FILIP1L: variants seen among roughly 807,000 people sequenced by gnomAD.
FILIP1L encodes filamin A interacting protein 1 like.
FILIP1L carries 55 observed loss-of-function variants against 96.6 expected under a neutral mutation model. The observed-to-expected ratio is 0.57, with a 90% CI of 0.46 to 0.71. FILIP1L has a LOEUF of 0.71. FILIP1L is among the 30% of genes least tolerant of loss of function. The pLI is 0.00. For missense variants in FILIP1L, 1,304 were observed against 1,321.2 expected, an observed-to-expected ratio of 0.99 and a Z score of 0.20; for synonymous variants, 467 against 473.9, an observed-to-expected ratio of 0.99 and a Z score of 0.19.
At chr3:99,909,370 C>T (rs903293545) in intron 4 of FILIP1L, among the ~76,000 whole-genome samples, 4 of 152,058 alleles carry the variant, frequency 2.6e-5, no homozygotes, top group Non-Finnish European at 5.9e-5. Context: ...TCATATATAT[C>T]CATGTAGGAA....
intron 4 of FILIP1L, among the ~76,000 whole-genome samples, chr3:99,860,636 T>G (rs879309398): frequency 6.6e-6 from 1 of 152,136 alleles, no homozygotes; most frequent in Non-Finnish European, 1.5e-5. Context: ...GTGCCCATGA[T>G]TCTGGGCTAG....
intron 1 of FILIP1L, among the ~76,000 whole-genome samples, chr3:100,088,818 A>G (rs536813278): frequency 3.2e-4 from 48 of 152,270 alleles, no homozygotes; most frequent in Non-Finnish European, 6.5e-4. Context: ...TCACTACAAT[A>G]TGAAACCAGT....
intron 1 of FILIP1L, among the ~76,000 whole-genome samples, chr3:99,988,792 A>G (rs1709429405): frequency 6.6e-6 from 1 of 152,172 alleles, no homozygotes; most frequent in Non-Finnish European, 1.5e-5. Context: ...AACTTCCACC[A>G]TTGACCCATT....
In FILIP1L at chr3:99,909,942, CTGA is replaced by C. The variant is rs1706741294; in HGVS notation, c.605+14285_605+14287del. 5.1e-5 allele frequency among the ~76,000 whole-genome samples: 7 copies of C among 138,496 alleles called. 1 individual carries two copies. The highest frequency in any genetic ancestry group is 8.3e-5 in the Non-Finnish European group (5 of 60,312). The allele number at this position is 138,496 out of a possible 152,430, so 90.9% of individuals were successfully genotyped here. On this transcript the variant is annotated intron_variant, in intron 4 of 5. Coordinates refer to ENST00000477258, the MANE Select transcript of FILIP1L (RefSeq NM_001387850.1). ...CATTGTCAACAAGAGCTGTTGTCAT[CTGA>C]CCAAAATGAGTGAGAAATTTCAGTT... is the stretch of plus-strand genomic sequence containing the variant.
At chr3:100,010,131 G>A in intron 1 of FILIP1L, 2 of 967,824 alleles carry the variant, frequency 2.1e-6, no homozygotes, top group Non-Finnish European at 2.5e-6. Flanking sequence ...TTATTTTTAG[G>A]TAAGTCATCT....
intron 4 of FILIP1L, among the ~76,000 whole-genome samples, chr3:99,918,821 A>C (rs1002864421): frequency 2.0e-5 from 3 of 152,208 alleles, no homozygotes; most frequent in Non-Finnish European, 2.9e-5. Context: ...ATTTGTTTGC[A>C]GTGGATCTCC....
intron 4 of FILIP1L, among the ~76,000 whole-genome samples, chr3:99,859,460 T>C (rs758696566): frequency 2.6e-5 from 4 of 152,246 alleles, no homozygotes; most frequent in African/African-American, 2.4e-5. Flanking sequence ...TAAATTCCTG[T>C]ATTTGTTCTC....
In FILIP1L at chr3:99,924,269, C is replaced by G; in HGVS notation, c.566G>C (p.Ser189Thr). 1.2e-6 allele frequency: 2 copies of G among 1,614,032 alleles called. No homozygotes were observed. The highest frequency in any genetic ancestry group is 1.7e-6 in the Non-Finnish European group (2 of 1,179,980). ...KRKHKEYMEKSDEFICLLEQE... is the reference protein window; with the variant it reads ...KRKHKEYMEKTDEFICLLEQE... Reference sequence around the variant, plus strand: ...TTCTAGTAGGCATATGAATTCATCACTCTTCTCCATGTATTCTTTATGTTT... The same window carrying G: ...TTCTAGTAGGCATATGAATTCATCAGTCTTCTCCATGTATTCTTTATGTTT... Residue 189 changes from serine (S) to threonine (T), a missense_variant, in exon 4 of 6, where the codon AGT becomes ACT. Ser to Thr is a moderately conservative substitution (Grantham distance 58). Coordinates refer to ENST00000477258, the MANE Select transcript of FILIP1L (RefSeq NM_001387850.1).
intron 4 of FILIP1L, among the ~76,000 whole-genome samples, chr3:99,921,948 C>T (rs1232348958): frequency 6.6e-6 from 1 of 152,172 alleles, no homozygotes; most frequent in African/African-American, 2.4e-5. Flanking sequence ...CATCTGCCTC[C>T]CAACATTCCA....
At chr3:99,989,178 G>GATAAATTAAATGT (rs1172684512) in intron 1 of FILIP1L, among the ~76,000 whole-genome samples, 2 of 152,148 alleles carry the variant, frequency 1.3e-5, no homozygotes, top group Non-Finnish European at 2.9e-5. Context: ...TTTTCTTGGA[G>GATAAATTAAATGT]ATAAATTAAA....
intron 1 of FILIP1L, among the ~76,000 whole-genome samples, chr3:100,093,694 C>T (rs1220982117): frequency 6.6e-6 from 1 of 152,152 alleles, no homozygotes; most frequent in Non-Finnish European, 1.5e-5. Flanking sequence ...TAGCCACAAC[C>T]ATTTTCCTCC....
intron 1 of FILIP1L, among the ~76,000 whole-genome samples, chr3:100,028,397 A>C (rs1377012581): frequency 6.6e-6 from 1 of 152,178 alleles, no homozygotes; most frequent in African/African-American, 2.4e-5. Context: ...GGTTATTGCT[A>C]TATTCCAGGC....
rs1475879250 is a variant in FILIP1L at position 100,062,113 on chromosome 3, T to C, written c.-11+51940A>G. ...TTCTTCTTTTTTTTTTTTTTTTTTT[T>C]TTTTTTTTTTTTTTTTGAGACGGAG... On this transcript the variant is annotated intron_variant, in intron 1 of 5. Transcript: ENST00000477258. Among the ~76,000 whole-genome samples, 554 of 89,732 alleles carry C rather than the reference T, an allele frequency of 6.2e-3. 14 individuals carry two copies. Among genetic ancestry groups the C allele is most frequent in the African/African-American group, 0.021 (538 of 25,526 alleles). The allele number at this position is 89,732 out of a possible 152,430, so 58.9% of individuals were successfully genotyped here.
At chr3:100,092,658 A>G (rs1448347745) in intron 1 of FILIP1L, among the ~76,000 whole-genome samples, 1 of 147,198 alleles carries the variant, frequency 6.8e-6, no homozygotes, top group Non-Finnish European at 1.5e-5. Flanking sequence ...GGTATCTAGT[A>G]TGCACTGAGC....
intron 1 of FILIP1L, among the ~76,000 whole-genome samples, chr3:99,945,711 T>G (rs1297698739): frequency 6.6e-6 from 1 of 152,188 alleles, no homozygotes; most frequent in Non-Finnish European, 1.5e-5. Flanking sequence ...ATTTTGGCAT[T>G]TAGGAGCAGC....
chr3:99,978,636 T>C (rs1159617105), intron 1 of FILIP1L, among the ~76,000 whole-genome samples: 1 of 152,188 alleles, frequency 6.6e-6, no homozygotes, highest in Non-Finnish European at 1.5e-5. Flanking sequence ...GGCTCTCCCC[T>C]GTAATCCCAG....
intron 1 of FILIP1L, among the ~76,000 whole-genome samples, chr3:100,009,389 A>T (rs1194157749): frequency 1.3e-5 from 2 of 152,180 alleles, no homozygotes; most frequent in East Asian, 3.8e-4. Flanking sequence ...AAGCAGAAAC[A>T]AGACTGTCTG....
intron 1 of FILIP1L, among the ~76,000 whole-genome samples, chr3:100,001,472 A>G (rs1709840475): frequency 1.3e-5 from 2 of 152,240 alleles, no homozygotes; most frequent in South Asian, 4.1e-4. Context: ...ATCAATCAGA[A>G]CAACCCAACT....
intron 1 of FILIP1L, among the ~76,000 whole-genome samples, chr3:100,028,749 C>T (rs2064971297): frequency 6.6e-6 from 1 of 152,042 alleles, no homozygotes; most frequent in Non-Finnish European, 1.5e-5. Context: ...ATGATAATAG[C>T]ACATTTCCAA....
Sources: allele counts gnomAD v4.1 joint callset (sites outside exome capture counted in the v4.1 genomes callset), GRCh38; gene constraint gnomAD v4.1.1; transcripts MANE v1.5; gene names NCBI Gene and HGNC (gene_info 2026-07-23, HGNC 2026-07-21).